Variants in PLCL1 observed in about 807,000 individuals in gnomAD.
PLCL1 encodes the protein inactive phospholipase C-like protein 1.
A neutral mutation model predicts 84.4 loss-of-function variants in PLCL1; 41 were observed. The observed-to-expected ratio is 0.49, with a 90% CI of 0.38 to 0.63. The LOEUF (loss-of-function observed/expected upper bound fraction) is 0.63. Ranked by LOEUF, PLCL1 falls within the 30% of genes least tolerant of loss-of-function variation. The probability of loss-of-function intolerance (pLI) is 0.00; values close to 1 mark genes in which losing one functional copy is unlikely to be tolerated. For synonymous variants in PLCL1, 490 were observed against 488.3 expected (o/e 1.00, Z -0.05); for missense variants, 1,206 against 1,367.8 (o/e 0.88, Z 1.87).
chr2:198,021,269 A>G (rs1691126636), intron 1 of PLCL1, among the ~76,000 whole-genome samples: 1 of 152,238 alleles, frequency 6.6e-6, no homozygotes, highest in South Asian at 2.1e-4. Flanking sequence ...GGAAATTTAC[A>G]GCACAAGTGC....
At chr2:197,980,581 AT>A (rs1690082394) in intron 1 of PLCL1, among the ~76,000 whole-genome samples, 1 of 152,200 alleles carries the variant, frequency 6.6e-6, no homozygotes, top group Admixed American at 6.5e-5. Flanking sequence ...TGTCTTACTC[AT>A]GGGTGAGAGA....
At chr2:198,105,061 T>C (rs984491454) in intron 5 of PLCL1, among the ~76,000 whole-genome samples, 12 of 152,096 alleles carry the variant, frequency 7.9e-5, no homozygotes, top group Admixed American at 7.9e-4. Context: ...TTGTAATTGC[T>C]TTTGGTGTCT....
chr2:197,922,508 G>C (rs201342948), intron 1 of PLCL1, among the ~76,000 whole-genome samples: 2 of 101,740 alleles, frequency 2.0e-5, no homozygotes, highest in South Asian at 3.6e-4. Context: ...ATCCTGGCCC[G>C]TTCTCAATGA....
In PLCL1 at chr2:197,990,211, G is replaced by C. The variant is rs536859745; in HGVS notation, c.241-93547G>C. Among the ~76,000 whole-genome samples, 22 of 152,220 alleles carry C rather than the reference G, an allele frequency of 1.4e-4. No individual in the cohort carries two copies. In the East Asian group the frequency reaches 3.5e-3, roughly 24 times the overall value. On this transcript the variant is annotated intron_variant, in intron 1 of 5. Coordinates refer to ENST00000428675, the MANE Select transcript of PLCL1 (RefSeq NM_006226.4). ...TTGCTCATAGAGATGTAGCTGACAT[G>C]ATGGGTAAAAAAAAGGAGGCAAATA...
chr2:198,034,003 CTTA>C (rs1256780813), intron 1 of PLCL1, among the ~76,000 whole-genome samples: 3 of 151,280 alleles, frequency 2.0e-5, no homozygotes, highest in Non-Finnish European at 4.4e-5. Context: ...TTTTTCTTTT[CTTA>C]TTATTATACT....
intron 1 of PLCL1, among the ~76,000 whole-genome samples, chr2:197,857,098 A>G (rs2105688812): frequency 6.6e-6 from 1 of 152,266 alleles, no homozygotes; most frequent in African/African-American, 2.4e-5. Context: ...TACCTATGTA[A>G]CAAACCTGCA....
chr2:197,952,058 G>A (rs1689400667), intron 1 of PLCL1, among the ~76,000 whole-genome samples: 1 of 152,124 alleles, frequency 6.6e-6, no homozygotes. Flanking sequence ...ACCCCTAACT[G>A]AGCAAACAAG....
rs7607044 is a variant in PLCL1, at chr2:198,100,817, G to C, written c.2920-468G>C. On this transcript the variant is annotated intron_variant, in intron 3 of 5. Transcript: ENST00000428675. ...ATTTTTTTGGTGGGAGTGGGGTGGG[G>C]GAGAGACAGGGAGGATAAAATGGAG... Among the ~76,000 whole-genome samples, 534 of 151,948 alleles carry C rather than the reference G, an allele frequency of 3.5e-3. 9 individuals carry two copies. The highest frequency in any genetic ancestry group is 0.012 in the African/African-American group (502 of 41,454).
At chr2:197,932,889 T>C (rs1574955769) in intron 1 of PLCL1, among the ~76,000 whole-genome samples, 2 of 152,302 alleles carry the variant, frequency 1.3e-5, no homozygotes, top group Admixed American at 1.3e-4. Flanking sequence ...AGAGATCACC[T>C]GAAACTGGGA....
At chr2:197,810,186 G>A (rs2106413834) in intron 1 of PLCL1, 1 of 494,242 alleles carries the variant, frequency 2.0e-6, no homozygotes, top group Non-Finnish European at 3.2e-6. Context: ...CACAACTTCA[G>A]TTAGAATGTT....
intron 1 of PLCL1, among the ~76,000 whole-genome samples, chr2:197,908,717 C>T (rs1438980416): frequency 6.6e-6 from 1 of 152,008 alleles, no homozygotes; most frequent in Non-Finnish European, 1.5e-5. Context: ...CATTTAATAT[C>T]CTAACTTAAA....
chr2:197,878,931 G>T (rs4850812), intron 1 of PLCL1, among the ~76,000 whole-genome samples: 40,512 of 152,150 alleles, frequency 0.27, 6,603 homozygotes, highest in East Asian at 0.5. Context: ...TACAATGTTT[G>T]TGCCAACATT....
intron 1 of PLCL1, among the ~76,000 whole-genome samples, chr2:197,836,908 C>T (rs201017992): frequency 7.9e-5 from 12 of 151,994 alleles, no homozygotes; most frequent in Admixed American, 5.9e-4. Context: ...CTGTGTTGCC[C>T]GGGCTGGTGT....
Position 198,084,349 on chromosome 2 carries a change from G to A in PLCL1, c.832G>A (p.Ala278Thr). The change falls in exon 2 of 6, where the codon GCC (alanine) becomes ACC (threonine). Residue 278 changes from alanine to threonine, a missense_variant. Transcript: ENST00000428675. ...ACAACTCAACCCTACTCTGAAGGAA[G>A]CCAAGATCAGGTTAAAGTTTAAAGA... ...IKQLNPTLKEAKIRLKFKEIQ... is the reference protein window; with the variant it reads ...IKQLNPTLKETKIRLKFKEIQ... 2 of 1,614,068 alleles carry A rather than the reference G, an allele frequency of 1.2e-6. No homozygotes were observed. The highest frequency in any genetic ancestry group is 8.5e-7 in the Non-Finnish European group (1 of 1,179,954).
intron 1 of PLCL1, among the ~76,000 whole-genome samples, chr2:198,002,969 G>C (rs954861182): frequency 6.6e-6 from 1 of 152,106 alleles, no homozygotes; most frequent in African/African-American, 2.4e-5. Flanking sequence ...AGCCCTCTAT[G>C]TGAACTATGT....
chr2:197,959,603 C>T (rs546685785), intron 1 of PLCL1, among the ~76,000 whole-genome samples: 2 of 152,144 alleles, frequency 1.3e-5, no homozygotes, highest in African/African-American at 4.8e-5. Context: ...CAGTGGAACA[C>T]ACCCTGAAAA....
intron 1 of PLCL1, among the ~76,000 whole-genome samples, chr2:198,062,065 C>T (rs1483430971): frequency 6.6e-6 from 1 of 152,142 alleles, no homozygotes; most frequent in Non-Finnish European, 1.5e-5. Context: ...TGAACTGCTA[C>T]AATTCATTAG....
intron 1 of PLCL1, among the ~76,000 whole-genome samples, chr2:197,863,265 T>C (rs1050744443): frequency 6.6e-6 from 1 of 152,124 alleles, no homozygotes; most frequent in African/African-American, 2.4e-5. Context: ...TGAAAAGGCT[T>C]GATGCTGTTT....
At chr2:197,980,901 A>T (rs1213465535) in intron 1 of PLCL1, among the ~76,000 whole-genome samples, 3 of 152,208 alleles carry the variant, frequency 2.0e-5, no homozygotes, top group Non-Finnish European at 4.4e-5. Context: ...TGCAGTTATA[A>T]TGGAGCTGAA....
Sources: allele counts gnomAD v4.1 joint callset (sites outside exome capture counted in the v4.1 genomes callset), GRCh38; gene constraint gnomAD v4.1.1; transcripts MANE v1.5; gene names NCBI Gene and HGNC (gene_info 2026-07-23, HGNC 2026-07-21).